Variants in DENND2D observed in about 807,000 individuals in gnomAD.
DENND2D encodes DENN domain containing 2D.
In DENND2D, 37 loss-of-function variants were observed where a neutral mutation model predicts 59.8. The ratio of observed to expected loss-of-function variants is 0.62; its 90% confidence interval spans 0.48 to 0.81. DENND2D has a LOEUF of 0.81. Ranked by LOEUF, DENND2D falls within the 40% of genes least tolerant of loss-of-function variation. DENND2D has a pLI of 0.00. For missense variants in DENND2D, 525 were observed against 579.7 expected (o/e 0.91, Z 0.97); for synonymous variants, 219 against 211.3 (o/e 1.04, Z -0.31).
At chr1:111,200,809 T>C, upstream of DENND2D, 2 of 885,138 alleles carry the variant, frequency 2.3e-6, no homozygotes, top group Non-Finnish European at 3.0e-6. Context: ...TGGCTACTTA[T>C]GGGCTAAGGG....
chr1:111,198,925 T>C (rs1484768449), intron 2 of DENND2D, among the ~76,000 whole-genome samples, 183 bp from the exon 3 acceptor site: 3 of 152,162 alleles, frequency 2.0e-5, no homozygotes, highest in Non-Finnish European at 4.4e-5. Flanking sequence ...CTGGGTCCAG[T>C]TGGAACAACT....
Position 111,197,989 on chromosome 1 carries a change from C to T in DENND2D, c.357G>A (p.Arg119=). The change falls in exon 4 of 12, where the codon AGG becomes AGA. Residue 119 remains arginine (R), a splice_region_variant and synonymous_variant. Transcript: ENST00000357640. ...NEWASLTEYP[R]ETFSFVLTNV... is the part of the protein sequence containing the mutation. ...TGGTCAGAACGAAGGAGAAGGTCTC[C>T]CTAAGAAAGAGCAGACAAGGCTTGA... 6.2e-7 allele frequency: 1 copy of T among 1,613,882 alleles called. No individual in the cohort carries two copies. The highest frequency in any genetic ancestry group is 8.5e-7 in the Non-Finnish European group (1 of 1,179,934).
intron 7 of DENND2D, among the ~76,000 whole-genome samples, chr1:111,192,714 G>A (rs1454387642): frequency 6.6e-6 from 1 of 152,170 alleles, no homozygotes; most frequent in African/African-American, 2.4e-5. Flanking sequence ...ACCAGGAAGA[G>A]TAAGACACTG....
intron 3 of DENND2D, 139 bp downstream of exon 3, chr1:111,198,491 A>T (rs1658465466): frequency 6.4e-6 from 5 of 785,878 alleles, no homozygotes; most frequent in Non-Finnish European, 1.0e-5. Context: ...CCCAGGCCAG[A>T]TGTTTTCAAA....
At chr1:111,187,741 C>G in intron 11 of DENND2D, 60 bp from the exon 12 acceptor site, 1 of 1,339,492 alleles carries the variant, frequency 7.5e-7, no homozygotes, top group East Asian at 2.3e-5. Context: ...TTATAATGAG[C>G]TCAGGAATAA....
chr1:111,198,018 G>C (rs375126383), intron 3 of DENND2D, 29 bp from the exon 4 acceptor site: 382 of 1,608,232 alleles, frequency 2.4e-4, no homozygotes, highest in Non-Finnish European at 3.1e-4. Context: ...GGCTTGATTT[G>C]TATTGCTCAC....
At chr1:111,191,293 T>C (rs1657744019) in intron 8 of DENND2D, among the ~76,000 whole-genome samples, 1 of 152,158 alleles carries the variant, frequency 6.6e-6, no homozygotes. Context: ...GAGGATTTGG[T>C]TTTATCTGTG....
At chr1:111,197,644 G>A (rs1658371716) in intron 4 of DENND2D, 2 of 1,374,496 alleles carry the variant, frequency 1.5e-6, no homozygotes, top group South Asian at 1.6e-5. Flanking sequence ...AAGGTAAGCA[G>A]GCCTGGATAG....
At chr1:111,200,832 G>T, upstream of DENND2D, 1 of 583,092 alleles carries the variant, frequency 1.7e-6, no homozygotes, top group Non-Finnish European at 2.5e-6. Context: ...TTGAATCTGG[G>T]CTGCAGATTG....
intron 5 of DENND2D, 154 bp from the exon 6 acceptor site, chr1:111,196,210 C>T: frequency 1.1e-6 from 1 of 883,996 alleles, no homozygotes; most frequent in Non-Finnish European, 1.6e-6. Context: ...TGGTCCTCTC[C>T]CTCCCTGGCA....
chr1:111,188,690 G>A lies in DENND2D; in HGVS notation c.1099+12C>T, dbSNP rs747305370. The A allele has an allele frequency of 6.2e-7, 1 of 1,610,488 alleles. No individual in the cohort carries two copies. The highest frequency in any genetic ancestry group is 1.7e-5 in the Admixed American group (1 of 60,012). ...CTGCCTGGAGAGACCCAAAATAAGA[G>A]TAAGGACTTACTCTTTAACTCATTG... On this transcript the variant is annotated intron_variant, in intron 10 of 11. Transcript: ENST00000357640.
At chr1:111,191,375 T>C (rs1260255515) in intron 8 of DENND2D, among the ~76,000 whole-genome samples, 1 of 152,220 alleles carries the variant, frequency 6.6e-6, no homozygotes, top group Non-Finnish European at 1.5e-5. Context: ...AGTGAGTCAA[T>C]GGTTATGGCC....
chr1:111,187,567 T>C lies in DENND2D; in HGVS notation c.*38A>G. 1.3e-6 allele frequency: 2 copies of C among 1,567,150 alleles called. No homozygotes were observed. Among genetic ancestry groups the C allele is most frequent in the South Asian group, 2.2e-5 (2 of 89,888 alleles). ...ACTGGCAGGGGCTGAAGTCCAGAAA[T>C]GGTGTGTAGCTCTAGTCATTCTTAT... On this transcript the variant is annotated 3_prime_UTR_variant, in exon 12 of 12. Transcript: ENST00000357640.
Position 111,188,743 on chromosome 1 carries a change from T to G in DENND2D, c.1058A>C (p.Asp353Ala). ...KDILPPKLQDDILDSLGQGIN... is the reference protein window; with the variant it reads ...KDILPPKLQDAILDSLGQGIN... The stretch of plus-strand genomic sequence containing the variant: ...CCCCTGACCAAGAGAGTCTAAGATG[T>G]CATCCTGAAGCTTCGGTGGCAGGAT... Residue 353 changes from aspartate to alanine, a missense_variant, in exon 10 of 12, where the codon GAC becomes GCC. Physicochemically the swap from Asp to Ala is moderately radical, Grantham distance 126. Transcript: ENST00000357640. 2 of 1,614,138 alleles carry G rather than the reference T, an allele frequency of 1.2e-6. No individual in the cohort carries two copies. Among genetic ancestry groups the G allele is most frequent in the Non-Finnish European group, 1.7e-6 (2 of 1,180,016 alleles).
In DENND2D at chr1:111,194,057, A is replaced by G. The variant is rs74121061; in HGVS notation, c.794+521T>C. ...AACTTAATGGGAACCTCATAGCTAAAGGTAGAAGAACTGGATTTAAACCTC... is the reference window on the plus strand; with the variant it reads ...AACTTAATGGGAACCTCATAGCTAAGGGTAGAAGAACTGGATTTAAACCTC... On this transcript the variant is annotated intron_variant, in intron 7 of 11. Transcript: ENST00000357640. Among the ~76,000 whole-genome samples, 1,031 of 152,360 alleles carry G rather than the reference A, an allele frequency of 6.8e-3. 14 individuals carry two copies. The highest frequency in any genetic ancestry group is 0.023 in the African/African-American group (970 of 41,584).
chr1:111,188,437 A>G (rs1657426557), intron 10 of DENND2D, 67 bp from the exon 11 acceptor site: 6 of 1,583,026 alleles, frequency 3.8e-6, no homozygotes, highest in South Asian at 1.2e-5. Context: ...CTCACCTTCA[A>G]GAATGGCTTT....
At chr1:111,204,163 C>A (rs1659085814), upstream of DENND2D, 1 of 1,000,060 alleles carries the variant, frequency 1.0e-6, no homozygotes, top group Non-Finnish European at 1.3e-6. Flanking sequence ...CGCGCAGCCT[C>A]CTGAGTCCCC....
chr1:111,204,561 C>G, upstream of DENND2D: 1 of 461,392 alleles, frequency 2.2e-6, no homozygotes, highest in Non-Finnish European at 3.6e-6. Context: ...GGCAGGGCAG[C>G]GTGGGGTGGA....
At chr1:111,191,995 T>C (rs1396987318) in intron 8 of DENND2D, 145 bp downstream of exon 8, 2 of 802,332 alleles carry the variant, frequency 2.5e-6, no homozygotes, top group Non-Finnish European at 3.7e-6. Context: ...GTGAACACTG[T>C]TATCCCCATT....
Sources: gnomAD v4.1 joint callset for allele counts (sites outside exome capture counted in the v4.1 genomes callset) on GRCh38, gnomAD v4.1.1 for gene constraint, MANE v1.5 for transcripts, NCBI Gene and HGNC (gene_info 2026-07-23, HGNC 2026-07-21) for gene names.